CNST: variants seen among roughly 807,000 people sequenced by gnomAD.
CNST encodes consortin.
In CNST, 39 loss-of-function variants were observed where a neutral mutation model predicts 72.4. The observed-to-expected ratio is 0.54, with a 90% CI of 0.42 to 0.70. The LOEUF (loss-of-function observed/expected upper bound fraction) is 0.70. Ranked by LOEUF, CNST falls within the 30% of genes least tolerant of loss-of-function variation. The pLI, the probability that CNST is intolerant of heterozygous loss-of-function variation, is 0.00. For synonymous variants in CNST, 332 were observed against 320.1 expected, an observed-to-expected ratio of 1.04 and a Z score of -0.40; for missense variants, 871 against 868.5, an observed-to-expected ratio of 1.00 and a Z score of -0.04.
At chr1:246,633,125 C>T (rs1254395130) in intron 4 of CNST, among the ~76,000 whole-genome samples, 3 of 152,124 alleles carry the variant, frequency 2.0e-5, no homozygotes, top group Non-Finnish European at 4.4e-5. Context: ...GCATAATATG[C>T]CACATTAAAA....
At chr1:246,616,414 C>T (rs779605541) in intron 2 of CNST, among the ~76,000 whole-genome samples, 1 of 152,016 alleles carries the variant, frequency 6.6e-6, no homozygotes, top group African/African-American at 2.4e-5. Flanking sequence ...AAAAATCATC[C>T]GGGCTTGGTG....
At chr1:246,642,769 G>C (rs1346935089) in intron 8 of CNST, among the ~76,000 whole-genome samples, 1 of 132,708 alleles carries the variant, frequency 7.5e-6, no homozygotes, top group Non-Finnish European at 1.6e-5. Flanking sequence ...TAATATTGAA[G>C]AGGAAGTATC....
At chr1:246,617,906 C>A (rs900148089) in intron 2 of CNST, among the ~76,000 whole-genome samples, 1 of 152,208 alleles carries the variant, frequency 6.6e-6, no homozygotes, top group East Asian at 1.9e-4. Context: ...CGATAGAATT[C>A]TATTCTAAGA....
At chr1:246,578,341 T>C (rs1179437697) in intron 1 of CNST, among the ~76,000 whole-genome samples, 1 of 152,066 alleles carries the variant, frequency 6.6e-6, no homozygotes, top group African/African-American at 2.4e-5. Context: ...CTCTAAAAAA[T>C]GGGTCTCTGA....
chr1:246,632,054 T>G (rs1428992948), intron 4 of CNST, 130 bp downstream of exon 4: 1 of 607,036 alleles, frequency 1.6e-6, no homozygotes, highest in Non-Finnish European at 2.9e-6. Context: ...TTGACAGTTG[T>G]ATGTACCCGT....
chr1:246,605,535 C>T (rs1225729363), intron 2 of CNST, among the ~76,000 whole-genome samples: 2 of 152,150 alleles, frequency 1.3e-5, no homozygotes, highest in South Asian at 2.1e-4. Flanking sequence ...ATGGCGTCAG[C>T]GCCACATGAG....
Position 246,642,204 on chromosome 1 carries a change from G to A in CNST, c.937+167G>A, listed in dbSNP as rs190395243. On this transcript the variant is annotated intron_variant, in intron 8 of 10. Transcript: ENST00000366513. Reference sequence around the variant, plus strand: ...CTCTCCTAGAAAAAGAGCAAAATGAGACTTTTTATATTGGGTAGCTCCACA... The same window carrying A: ...CTCTCCTAGAAAAAGAGCAAAATGAAACTTTTTATATTGGGTAGCTCCACA... Among the ~76,000 whole-genome samples the A allele has an allele frequency of 1.8e-3, 251 of 138,558 alleles. 1 individual carries two copies. Among genetic ancestry groups the A allele is most frequent in the Non-Finnish European group, 2.8e-3 (185 of 66,560 alleles). The allele number at this position is 138,558 out of a possible 152,430, so 90.9% of individuals were successfully genotyped here.
chr1:246,616,286 C>T (rs1014296178), intron 2 of CNST, among the ~76,000 whole-genome samples: 8 of 152,040 alleles, frequency 5.3e-5, no homozygotes, highest in African/African-American at 1.7e-4. Context: ...TGGTGGCTGG[C>T]GCCTGTACTC....
At chr1:246,659,998 G>A (rs1191754712) in intron 9 of CNST, among the ~76,000 whole-genome samples, 1 of 152,104 alleles carries the variant, frequency 6.6e-6, no homozygotes, top group East Asian at 1.9e-4. Flanking sequence ...GGAAACCAGG[G>A]TTTTGGACTT....
rs550483145 is a variant in CNST at position 246,625,940 on chromosome 1, G to A, written c.585+4306G>A. On this transcript the variant is annotated intron_variant, in intron 3 of 10. Coordinates refer to ENST00000366513, the MANE Select transcript of CNST (RefSeq NM_152609.3). ...TCACTGGAGCTATTGGAAACGTCAA[G>A]TTGATCACATACTCTGTTTTGAAGC... Among the ~76,000 whole-genome samples the A allele has an allele frequency of 8.0e-4, 122 of 152,240 alleles. 1 individual carries two copies. The highest frequency in any genetic ancestry group is 3.4e-3 in the Middle Eastern group (1 of 294).
At chr1:246,650,200 C>A (rs1666373667) in intron 9 of CNST, among the ~76,000 whole-genome samples, 1 of 152,168 alleles carries the variant, frequency 6.6e-6, no homozygotes, top group African/African-American at 2.4e-5. Flanking sequence ...TCCTCAGACT[C>A]AAAACACAAT....
chr1:246,601,870 C>T (rs960384627), intron 2 of CNST, among the ~76,000 whole-genome samples: 3 of 152,168 alleles, frequency 2.0e-5, no homozygotes, highest in Non-Finnish European at 4.4e-5. Context: ...AACTGACACA[C>T]ATTCACTGTG....
At chr1:246,654,137 C>G (rs1275047882) in intron 9 of CNST, among the ~76,000 whole-genome samples, 4 of 152,178 alleles carry the variant, frequency 2.6e-5, no homozygotes, top group Non-Finnish European at 5.9e-5. Flanking sequence ...ATTCAGGACT[C>G]CTGTCATCTG....
rs138390543 is a variant in CNST at position 246,580,276 on chromosome 1, T to C, written c.-51-11236T>C. Among the ~76,000 whole-genome samples the C allele has an allele frequency of 1.8e-4, 27 of 152,298 alleles. No homozygotes were observed. In the East Asian group the frequency reaches 4.8e-3, roughly 27 times the overall value. On this transcript the variant is annotated intron_variant, in intron 1 of 10. Coordinates refer to ENST00000366513, the MANE Select transcript of CNST (RefSeq NM_152609.3). ...GTATGTAGATTTCATTCTGGACATA[T>C]AAATATTAAGGGTTAGGTAGCATTT...
At chr1:246,620,335 G>A (rs1464047736) in intron 2 of CNST, among the ~76,000 whole-genome samples, 1 of 4,160 alleles carries the variant, frequency 2.4e-4, no homozygotes, top group African/African-American at 6.5e-4. Flanking sequence ...GGCTTCAGTC[G>A]TGCATACACA....
At chr1:246,607,580 G>A (rs1035093154) in intron 2 of CNST, 15 of 153,776 alleles carry the variant, frequency 9.8e-5, no homozygotes, top group East Asian at 1.9e-4. Flanking sequence ...CGTGAGGACC[G>A]GGCAGGGGTT....
At chr1:246,581,229 C>T (rs963934079) in intron 1 of CNST, among the ~76,000 whole-genome samples, 14 of 152,124 alleles carry the variant, frequency 9.2e-5, no homozygotes, top group African/African-American at 3.4e-4. Flanking sequence ...TTGGATGAAA[C>T]TTCATCAGTG....
chr1:246,631,979 A>AT (rs938767062), intron 4 of CNST, 55 bp downstream of exon 4: 21 of 994,188 alleles, frequency 2.1e-5, no homozygotes, highest in Admixed American at 7.0e-5. Flanking sequence ...AGAACCATTC[A>AT]TTTTTTTTAA....
chr1:246,647,727 T>C lies in CNST; in HGVS notation c.1526T>C (p.Val509Ala). The change falls in exon 9 of 11, where the codon GTG becomes GCG. Residue 509 changes from valine (V) to alanine (A), a missense_variant. By Grantham distance (64) the Val-to-Ala change is moderately conservative (BLOSUM62 0). Transcript: ENST00000366513. ...GCTGACTCAGACGGTTCTGAGAATG[T>C]GCTCTGTGGAAATAATCAAATATCT... ...AQADSDGSEN[V>A]LCGNNQISDL... 6.2e-7 allele frequency: 1 copy of C among 1,614,172 alleles called. No homozygotes were observed. The highest frequency in any genetic ancestry group is 8.5e-7 in the Non-Finnish European group (1 of 1,180,016).
Sources: allele counts gnomAD v4.1 joint callset (sites outside exome capture counted in the v4.1 genomes callset), GRCh38; gene constraint gnomAD v4.1.1; transcripts MANE v1.5; gene names NCBI Gene and HGNC (gene_info 2026-07-23, HGNC 2026-07-21).